TSPAN15: variants seen among roughly 807,000 people sequenced by gnomAD.
The protein encoded by TSPAN15 is tetraspanin 15.
In TSPAN15, 20 loss-of-function variants were observed where a neutral mutation model predicts 34.5. The ratio of observed to expected loss-of-function variants is 0.58; its 90% CI spans 0.41 to 0.84. The LOEUF (loss-of-function observed/expected upper bound fraction) is 0.84, where lower values mean the gene tolerates loss of function less well. Ranked by LOEUF, TSPAN15 falls within the 40% of genes least tolerant of loss-of-function variation. The pLI is 0.00. For synonymous variants in TSPAN15, 155 were observed against 153.9 expected, an observed-to-expected ratio of 1.01 and a Z score of -0.05; for missense variants, 313 against 386.1, an observed-to-expected ratio of 0.81 and a Z score of 1.59.
At chr10:69,537,826 G>A in the TSPAN15 span, among the ~76,000 whole-genome samples, 11 of 152,354 alleles carry the variant, frequency 7.2e-5, no homozygotes, top group African/African-American at 1.4e-4. Flanking sequence ...TAAGGAAGTG[G>A]TGGTGTGGAT....
At chr10:69,490,515 G>T (rs1303459356) in intron 3 of TSPAN15, among the ~76,000 whole-genome samples, 2 of 152,164 alleles carry the variant, frequency 1.3e-5, no homozygotes, top group Non-Finnish European at 2.9e-5. Flanking sequence ...GAGGTCAGGA[G>T]TTTGAGAACA....
intron 5 of TSPAN15, among the ~76,000 whole-genome samples, chr10:69,503,890 G>T (rs983621469): frequency 6.6e-6 from 1 of 152,090 alleles, no homozygotes; most frequent in South Asian, 2.1e-4. Flanking sequence ...ATCAGTAGTC[G>T]GGAGTTCTGG....
At chr10:69,495,016 G>GCCCCCC (rs1842048529) in intron 3 of TSPAN15, 1 of 343,484 alleles carries the variant, frequency 2.9e-6, no homozygotes, top group Non-Finnish European at 4.1e-6. Flanking sequence ...GCAGTGATGA[G>GCCCCCC]GAGAACAGCC....
At chr10:69,462,925 C>A (rs2133071054) in intron 1 of TSPAN15, among the ~76,000 whole-genome samples, 1 of 152,246 alleles carries the variant, frequency 6.6e-6, no homozygotes, top group African/African-American at 2.4e-5. Context: ...CAGTAGGGCC[C>A]CATGTGGGCG....
At chr10:69,461,435 T>C (rs1263959741) in intron 1 of TSPAN15, among the ~76,000 whole-genome samples, 1 of 152,194 alleles carries the variant, frequency 6.6e-6, no homozygotes, top group Admixed American at 6.5e-5. Context: ...TTCAGAGCCC[T>C]CCCACTTCCT....
At chr10:69,523,567 T>C in the TSPAN15 span, 1 of 354,476 alleles carries the variant, frequency 2.8e-6, no homozygotes, top group Non-Finnish European at 5.3e-6. Context: ...TTGGGTGTCA[T>C]GTACCCGATA....
At chr10:69,547,748 C>T in the TSPAN15 span, among the ~76,000 whole-genome samples, 4 of 152,182 alleles carry the variant, frequency 2.6e-5, no homozygotes, top group African/African-American at 9.7e-5. Context: ...ACCTTAGAGA[C>T]TCCAAGAACA....
intron 1 of TSPAN15, among the ~76,000 whole-genome samples, chr10:69,469,128 A>G (rs1841453773): frequency 2.0e-5 from 3 of 149,370 alleles, no homozygotes; most frequent in African/African-American, 7.4e-5. Flanking sequence ...TTTTTTTTCC[A>G]GCTCTCAACC....
At chr10:69,535,492 T>G in the TSPAN15 span, among the ~76,000 whole-genome samples, 6 of 152,218 alleles carry the variant, frequency 3.9e-5, no homozygotes, top group African/African-American at 1.4e-4. Flanking sequence ...TTGTCTTAGA[T>G]CCTGGTAATT....
At chr10:69,484,010 C>G (rs774380097) in intron 2 of TSPAN15, 134 bp downstream of exon 2, 44 of 906,082 alleles carry the variant, frequency 4.9e-5, no homozygotes, top group Non-Finnish European at 6.3e-5. Flanking sequence ...TTAGATCAGC[C>G]CATCTGACCA....
chr10:69,475,034 T>C (rs60153313), intron 1 of TSPAN15, among the ~76,000 whole-genome samples: 9,751 of 152,100 alleles, frequency 0.064, 1,069 homozygotes, highest in African/African-American at 0.22. Flanking sequence ...GGACACAGCC[T>C]TGGGAGGCAG....
chr10:69,535,209 T>C, the TSPAN15 span, among the ~76,000 whole-genome samples: 17,386 of 152,058 alleles, frequency 0.11, 1,257 homozygotes, highest in South Asian at 0.16. Flanking sequence ...AACCAGGCTT[T>C]TAGAGAAATA....
the TSPAN15 span, among the ~76,000 whole-genome samples, chr10:69,516,874 G>C: frequency 2.6e-5 from 4 of 152,252 alleles, no homozygotes; most frequent in East Asian, 7.7e-4. Context: ...GGGACATAAG[G>C]GGTGCTCACT....
the TSPAN15 span, among the ~76,000 whole-genome samples, chr10:69,515,413 G>T: frequency 6.6e-6 from 1 of 150,864 alleles, no homozygotes; most frequent in Non-Finnish European, 1.5e-5. Context: ...TCCTCTCACA[G>T]GAAGATCCAG....
At chr10:69,545,563 C>T in the TSPAN15 span, among the ~76,000 whole-genome samples, 1 of 152,166 alleles carries the variant, frequency 6.6e-6, no homozygotes, top group Non-Finnish European at 1.5e-5. Context: ...ATAATCATAG[C>T]CAACAAAAGC....
At chr10:69,457,529 TG>T (rs1342207726) in intron 1 of TSPAN15, among the ~76,000 whole-genome samples, 5 of 151,854 alleles carry the variant, frequency 3.3e-5, no homozygotes, top group African/African-American at 1.2e-4. Context: ...AAGGACTTGG[TG>T]GGAGTTGGGG....
the TSPAN15 span, among the ~76,000 whole-genome samples, chr10:69,539,464 G>T: frequency 2.6e-3 from 133 of 51,352 alleles, 15 homozygotes; most frequent in East Asian, 0.087. Flanking sequence ...GAAGAAGAAG[G>T]AGAAGGAGAA....
intron 1 of TSPAN15, among the ~76,000 whole-genome samples, chr10:69,461,341 G>C (rs1022783126): frequency 4.6e-5 from 7 of 152,214 alleles, no homozygotes; most frequent in African/African-American, 1.7e-4. Context: ...CAAGACATTT[G>C]CATCTGGGCC....
At chr10:69,484,965 C>T (rs1312619552) in intron 2 of TSPAN15, among the ~76,000 whole-genome samples, 176 bp from the exon 3 acceptor site, 2 of 152,160 alleles carry the variant, frequency 1.3e-5, no homozygotes, top group Non-Finnish European at 2.9e-5. Flanking sequence ...TTCCTGGGGC[C>T]TGCCTGTCCA....
Sources: gnomAD v4.1 joint callset for allele counts (sites outside exome capture counted in the v4.1 genomes callset) on GRCh38, gnomAD v4.1.1 for gene constraint, MANE v1.5 for transcripts, NCBI Gene and HGNC (gene_info 2026-07-23, HGNC 2026-07-21) for gene names.